Variants in PCDH15 observed in about 807,000 individuals in gnomAD.
PCDH15 encodes protocadherin related 15.
Under a neutral mutation model 178.5 loss-of-function variants are expected in PCDH15, and 129 were observed. The ratio of observed to expected loss-of-function variants is 0.72; its 90% CI spans 0.63 to 0.84. PCDH15 has a LOEUF of 0.84. Among genes scored for constraint, PCDH15 ranks in the 40% least tolerant of loss-of-function variants. The probability of loss-of-function intolerance (pLI) is 0.00; values close to 1 mark genes in which losing one functional copy is unlikely to be tolerated. For missense variants in PCDH15, 2,230 were observed against 2,099.9 expected (o/e 1.06, Z -1.21); for synonymous variants, 800 against 732.0 (o/e 1.09, Z -1.50).
chr10:54,359,061 A>T (rs1034268226), intron 5 of PCDH15, among the ~76,000 whole-genome samples: 2 of 150,926 alleles, frequency 1.3e-5, no homozygotes, highest in African/African-American at 4.9e-5. Flanking sequence ...CCTAATGCTA[A>T]ATGACGAGTT....
rs1174192899 is a variant in PCDH15, at chr10:54,307,067, TATATATATATATAC to T, written c.876+10190_876+10203del. 4.4e-3 allele frequency among the ~76,000 whole-genome samples: 43 copies of T among 9,698 alleles called. 2 individuals are homozygous for T. The highest frequency in any genetic ancestry group is 0.011 in the South Asian group (3 of 266). 6.4% of individuals were successfully genotyped at this position (9,698 alleles called of 152,430 possible). On this transcript the variant is annotated intron_variant, in intron 8 of 37. Transcript: ENST00000644397. ...ATATATATATATATATATATATATA[TATATATATATATAC>T]ATATATATATATGTGTGTGTGTGTA...
chr10:54,889,483 G>A (rs1440487300), intron 3 of PCDH15, among the ~76,000 whole-genome samples: 1 of 112,532 alleles, frequency 8.9e-6, no homozygotes. Flanking sequence ...TAAGTATTTT[G>A]AATAGCTAAT....
chr10:55,458,465 T>C (rs1342415480), intron 2 of PCDH15, among the ~76,000 whole-genome samples: 1 of 152,098 alleles, frequency 6.6e-6, no homozygotes, highest in East Asian at 1.9e-4. Context: ...CTCTTAATCA[T>C]ACCATTTAAA....
In PCDH15 at chr10:54,479,005, G is replaced by GAA. The variant is rs557476375; in HGVS notation, c.157+48805_157+48806dup. On this transcript the variant is annotated intron_variant, in intron 3 of 37. Transcript: ENST00000644397. ...CTACCTGAGGATAAGCTAGGGAAAAGAAAAAAAAAAAAAAGAAAGAAAGAA... is the reference window on the plus strand; with the variant it reads ...CTACCTGAGGATAAGCTAGGGAAAAGAAAAAAAAAAAAAAAAGAAAGAAAGAA... Among the ~76,000 whole-genome samples the GAA allele has an allele frequency of 4.6e-4, 44 of 96,068 alleles. 2 individuals are homozygous for GAA. The South Asian group carries it at 5.1e-3, about 11-fold the overall frequency. The allele number at this position is 96,068 out of a possible 152,430, so 63.0% of individuals were successfully genotyped here. A position where few individuals can be genotyped will look rare whatever the true frequency, so the allele number is the denominator to read the frequency against.
intron 2 of PCDH15, among the ~76,000 whole-genome samples, chr10:54,917,096 T>A (rs1837355704): frequency 6.6e-6 from 1 of 152,196 alleles, no homozygotes; most frequent in African/African-American, 2.4e-5. Context: ...ACAATGCCTA[T>A]GGTACTGGAC....
At chr10:54,903,937 C>G (rs1182393911) in intron 2 of PCDH15, among the ~76,000 whole-genome samples, 1 of 152,016 alleles carries the variant, frequency 6.6e-6, no homozygotes, top group Non-Finnish European at 1.5e-5. Context: ...TAATGCTGAG[C>G]CATTTATTCT....
rs79614153 is a variant in PCDH15, at chr10:54,955,756, C to A, written c.-79-58256G>T. Among the ~76,000 whole-genome samples the A allele has an allele frequency of 6.4e-3, 969 of 151,264 alleles. 11 individuals carry two copies. Among genetic ancestry groups the A allele is most frequent in the African/African-American group, 0.022 (915 of 41,436 alleles). On this transcript the variant is annotated intron_variant, in intron 2 of 5. Transcript: ENST00000458638. ...ACACATCTTGAAACTACACCTGTAA[C>A]CTTGGCAGAGTTACCCATATTTGAC...
chr10:54,101,033 G>A (rs1040311348), intron 15 of PCDH15, among the ~76,000 whole-genome samples: 12 of 152,228 alleles, frequency 7.9e-5, no homozygotes, highest in South Asian at 4.1e-4. Flanking sequence ...CCCAAATCTC[G>A]TCTTTAATTC....
chr10:55,096,934 G>A (rs1229764392), intron 2 of PCDH15, among the ~76,000 whole-genome samples: 1 of 152,002 alleles, frequency 6.6e-6, no homozygotes, highest in Non-Finnish European at 1.5e-5. Flanking sequence ...TCAACTGACA[G>A]CTCACATATC....
chr10:54,824,211 C>T (rs1953090890), intron 3 of PCDH15, among the ~76,000 whole-genome samples: 1 of 152,018 alleles, frequency 6.6e-6, no homozygotes. Flanking sequence ...CAAAGTACTG[C>T]CTCAGGATTT....
intron 2 of PCDH15, among the ~76,000 whole-genome samples, chr10:55,028,094 T>C (rs1224536567): frequency 6.6e-6 from 1 of 151,950 alleles, no homozygotes; most frequent in African/African-American, 2.4e-5. Flanking sequence ...TACTTTGGGA[T>C]ACATTTTCTG....
At chr10:55,308,091 T>G in intron 1 of PCDH15, among the ~76,000 whole-genome samples, 1 of 152,332 alleles carries the variant, frequency 6.6e-6, no homozygotes, top group African/African-American at 2.4e-5. Flanking sequence ...ATAAATATTA[T>G]AGAAAACATT....
intron 14 of PCDH15, among the ~76,000 whole-genome samples, chr10:54,135,005 A>C (rs2042781578): frequency 6.6e-6 from 1 of 151,588 alleles, no homozygotes; most frequent in African/African-American, 2.4e-5. Context: ...GGAGTTCAAG[A>C]CCAGCATGAC....
At chr10:54,383,710 A>G (rs959242309) in intron 3 of PCDH15, among the ~76,000 whole-genome samples, 4 of 146,888 alleles carry the variant, frequency 2.7e-5, no homozygotes, top group Admixed American at 7.0e-5. Flanking sequence ...TTCATACCCC[A>G]CTCTCCTCAA....
chr10:54,485,219 A>T (rs2136999296), intron 3 of PCDH15, among the ~76,000 whole-genome samples: 1 of 151,204 alleles, frequency 6.6e-6, no homozygotes, highest in African/African-American at 2.4e-5. Flanking sequence ...TTTGAGCAAT[A>T]AAAAAAAATC....
chr10:53,853,747 G>A (rs897702169), intron 28 of PCDH15, among the ~76,000 whole-genome samples: 1 of 151,832 alleles, frequency 6.6e-6, no homozygotes, highest in Non-Finnish European at 1.5e-5. Context: ...TGGCTACTAC[G>A]TATAAAAAAG....
At chr10:55,066,808 T>C (rs1023572627) in intron 2 of PCDH15, among the ~76,000 whole-genome samples, 4 of 151,360 alleles carry the variant, frequency 2.6e-5, no homozygotes, top group Non-Finnish European at 5.9e-5. Context: ...AATTTATAAA[T>C]TTCTAGTTTT....
In PCDH15 at chr10:54,132,990, A is replaced by G; in HGVS notation, c.1802T>C (p.Val601Ala). The G allele has an allele frequency of 1.2e-6, 2 of 1,614,100 alleles. No homozygotes were observed. Among genetic ancestry groups the G allele is most frequent in the Non-Finnish European group, 1.7e-6 (2 of 1,179,974 alleles). ...PAERRNSICT[V>A]YIEVLPPNNQ... The stretch of plus-strand genomic sequence containing the variant: ...ATTTGGTGGAAGCACTTCAATATAC[A>G]CAGTGCAGATGGAGTTCCTGCAGAG... The change falls in exon 15 of 38, where the codon GTG becomes GCG. Residue 601 changes from valine to alanine, a missense_variant. Val to Ala is a moderately conservative substitution (Grantham distance 64). Transcript: ENST00000644397.
At chr10:53,987,244 C>G (rs2091169519) in intron 21 of PCDH15, among the ~76,000 whole-genome samples, 1 of 151,856 alleles carries the variant, frequency 6.6e-6, no homozygotes, top group Non-Finnish European at 1.5e-5. Flanking sequence ...GAAACATCAT[C>G]TATATAGCTT....
Sources: allele counts gnomAD v4.1 joint callset (sites outside exome capture counted in the v4.1 genomes callset), GRCh38; gene constraint gnomAD v4.1.1; transcripts MANE v1.5; gene names NCBI Gene and HGNC (gene_info 2026-07-23, HGNC 2026-07-21).